Variants in OTUD7B observed in about 807,000 individuals in gnomAD.
OTUD7B encodes the protein OTU domain-containing protein 7B.
A neutral mutation model predicts 82.2 loss-of-function variants in OTUD7B; 34 were observed. That is an observed-to-expected ratio of 0.41 (90% CI 0.31 to 0.55). The LOEUF (loss-of-function observed/expected upper bound fraction) is 0.55. OTUD7B is among the 20% of genes least tolerant of loss of function. The pLI is 0.20. For missense variants in OTUD7B, 944 were observed against 1,062.1 expected (o/e 0.89, Z 1.55); for synonymous variants, 398 against 402.7 (o/e 0.99, Z 0.14).
At position 149,944,921 on chromosome 1, in the gene OTUD7B, G is replaced by C; in HGVS notation, c.1468C>G (p.Arg490Gly). The change falls in exon 12 of 12, where the codon CGA (arginine) becomes GGA (glycine). Residue 490 changes from arginine to glycine, a missense_variant. Arg to Gly is a moderately radical substitution (Grantham distance 125). Transcript: ENST00000581312. ...EGGRRKEKSKRDREKDKKRAD... is the reference protein window; with the variant it reads ...EGGRRKEKSKGDREKDKKRAD... ...CTCTTCTTGTCCTTCTCCCGATCTC[G>C]CTTTGACTTCTCCTTCCGCCGGCCG... 6.2e-7 allele frequency: 1 copy of C among 1,614,136 alleles called. No homozygotes were observed. Among genetic ancestry groups the C allele is most frequent in the Non-Finnish European group, 8.5e-7 (1 of 1,180,038 alleles).
At chr1:149,986,273 A>ACACACACACACACG (rs1228786112) in intron 1 of OTUD7B, among the ~76,000 whole-genome samples, 201 of 151,298 alleles carry the variant, frequency 1.3e-3, no homozygotes, top group African/African-American at 4.8e-3. Flanking sequence ...ACACACACAC[A>ACACACACACACACG]GTACTGTTGA....
chr1:150,046,542 G>A, the OTUD7B span, among the ~76,000 whole-genome samples: 1 of 148,858 alleles, frequency 6.7e-6, no homozygotes, highest in Non-Finnish European at 1.5e-5. Flanking sequence ...CCACCTCCCG[G>A]GTTCAAGTGA....
intron 2 of OTUD7B, among the ~76,000 whole-genome samples, chr1:149,972,291 A>G (rs587729663): frequency 3.3e-5 from 5 of 152,294 alleles, no homozygotes; most frequent in African/African-American, 1.2e-4. Flanking sequence ...ATTACTGATG[A>G]TTTTACTTCT....
At chr1:150,005,217 C>A (rs1387688777) in intron 1 of OTUD7B, among the ~76,000 whole-genome samples, 1 of 152,162 alleles carries the variant, frequency 6.6e-6, no homozygotes, top group Non-Finnish European at 1.5e-5. Context: ...TCTTCTTACT[C>A]CCAACTGGAC....
intron 10 of OTUD7B, among the ~76,000 whole-genome samples, chr1:149,948,284 A>G (rs587631817): frequency 6.6e-6 from 1 of 152,234 alleles, no homozygotes; most frequent in East Asian, 1.9e-4. Flanking sequence ...GATTACAGGC[A>G]TAAGCCACCG....
Position 149,944,209 on chromosome 1 carries a change from T to C in OTUD7B, c.2180A>G (p.Tyr727Cys), listed in dbSNP as rs782047521. 23 of 1,613,318 alleles carry C rather than the reference T, an allele frequency of 1.4e-5. No individual in the cohort carries two copies. In the East Asian group the frequency reaches 4.7e-4, roughly 33 times the overall value. The change falls in exon 12 of 12, where the codon TAT (tyrosine) becomes TGT (cysteine). Residue 727 changes from tyrosine to cysteine, a missense_variant. Tyr to Cys is a radical substitution (Grantham distance 194). Transcript: ENST00000581312. ...AGGGCACTGTCTGGGGAAGGTGGCA[T>C]ATGGTGGTAGGCCCCCGACACATGG... ...GGPCVGGLPPYATFPRQCPPG... is the reference protein window; with the variant it reads ...GGPCVGGLPPCATFPRQCPPG...
At chr1:150,049,871 G>C in the OTUD7B span, among the ~76,000 whole-genome samples, 2 of 151,894 alleles carry the variant, frequency 1.3e-5, no homozygotes, top group African/African-American at 2.4e-5. Context: ...ACCGTGCCCA[G>C]CCCTATTTTC....
chr1:149,958,458 G>A (rs1648882851), intron 7 of OTUD7B, among the ~76,000 whole-genome samples: 1 of 150,390 alleles, frequency 6.6e-6, no homozygotes. Context: ...CTCTCGAGTA[G>A]CTGGGATTAC....
At chr1:150,059,648 G>A in the OTUD7B span, among the ~76,000 whole-genome samples, 2 of 152,116 alleles carry the variant, frequency 1.3e-5, no homozygotes, top group East Asian at 3.9e-4. Flanking sequence ...GGGATTACAG[G>A]CACGAGCCAC....
the OTUD7B span, among the ~76,000 whole-genome samples, chr1:150,041,258 C>T: frequency 6.6e-6 from 1 of 152,062 alleles, no homozygotes; most frequent in Non-Finnish European, 1.5e-5. Context: ...ATATGCAATA[C>T]ATTAGTATGC....
the OTUD7B span, among the ~76,000 whole-genome samples, chr1:150,040,483 G>T: frequency 6.6e-6 from 1 of 152,012 alleles, no homozygotes; most frequent in East Asian, 1.9e-4. Context: ...GCTAATTTTT[G>T]ATTTAATATT....
intron 1 of OTUD7B, among the ~76,000 whole-genome samples, chr1:150,003,100 A>T (rs1254543040): frequency 2.6e-5 from 4 of 151,930 alleles, no homozygotes; most frequent in African/African-American, 9.7e-5. Context: ...AATACAAAAA[A>T]TTAGCCGGGC....
chr1:150,023,066 A>T, the OTUD7B span, among the ~76,000 whole-genome samples: 2 of 152,228 alleles, frequency 1.3e-5, no homozygotes, highest in African/African-American at 4.8e-5. Flanking sequence ...ATTAAGAAGT[A>T]TTGACTTCAG....
intron 3 of OTUD7B, among the ~76,000 whole-genome samples, chr1:149,968,080 G>A (rs1410444284): frequency 2.0e-5 from 3 of 151,830 alleles, no homozygotes; most frequent in Non-Finnish European, 2.9e-5. Context: ...CCTGACCAAC[G>A]TGGTGAAACA....
chr1:150,028,936 A>G, the OTUD7B span, among the ~76,000 whole-genome samples: 2 of 152,150 alleles, frequency 1.3e-5, no homozygotes, highest in Non-Finnish European at 2.9e-5. Context: ...GTTCATCCAT[A>G]TTGTAGCATA....
chr1:150,067,072 C>T, the OTUD7B span: 4 of 152,326 alleles, frequency 2.6e-5, no homozygotes, highest in African/African-American at 7.2e-5. Context: ...CCGGTGGTCC[C>T]GCGGGCTGCG....
chr1:150,014,630 A>G (rs1653217452), upstream of OTUD7B, among the ~76,000 whole-genome samples: 1 of 152,212 alleles, frequency 6.6e-6, no homozygotes, highest in African/African-American at 2.4e-5. Context: ...ACAATGGAGT[A>G]CAAATTTAAA....
At chr1:150,026,508 T>C in the OTUD7B span, among the ~76,000 whole-genome samples, 2 of 152,210 alleles carry the variant, frequency 1.3e-5, no homozygotes, top group Admixed American at 1.3e-4. Context: ...GATAAGTTCC[T>C]AACCCAGCTT....
chr1:149,981,942 G>A (rs1571685613), intron 1 of OTUD7B, among the ~76,000 whole-genome samples: 1 of 152,276 alleles, frequency 6.6e-6, no homozygotes, highest in African/African-American at 2.4e-5. Context: ...AAGGTCAGGA[G>A]ATCGAGACCA....
Sources: allele counts gnomAD v4.1 joint callset (sites outside exome capture counted in the v4.1 genomes callset), GRCh38; gene constraint gnomAD v4.1.1; transcripts MANE v1.5; gene names NCBI Gene and HGNC (gene_info 2026-07-23, HGNC 2026-07-21).